Variants in SMIM35 observed in about 807,000 individuals in gnomAD.
The protein encoded by SMIM35 is small integral membrane protein 35, also known as TMPRSS4 antisense RNA 1 (non-protein coding).
At chr11:118,041,751 G>A (rs1040000312) in intron 1 of SMIM35, among the ~76,000 whole-genome samples, 3 of 152,018 alleles carry the variant, frequency 2.0e-5, no homozygotes, top group Non-Finnish European at 2.9e-5. Context: ...CTTCTAAGAC[G>A]CTAGAGAAAG....
At chr11:118,030,656 A>G (rs936442753) in intron 1 of SMIM35, among the ~76,000 whole-genome samples, 2 of 151,798 alleles carry the variant, frequency 1.3e-5, no homozygotes, top group Non-Finnish European at 2.9e-5. Context: ...CTGGGGGAGG[A>G]GGGTATCCAT....
At chr11:118,033,220 G>T (rs1012270242) in intron 1 of SMIM35, among the ~76,000 whole-genome samples, 3 of 152,170 alleles carry the variant, frequency 2.0e-5, no homozygotes, top group Admixed American at 6.5e-5. Flanking sequence ...GATTAACAAG[G>T]ATTCTAGAAC....
At chr11:118,044,349 G>A (rs147596529) in intron 1 of SMIM35, among the ~76,000 whole-genome samples, 5 of 148,724 alleles carry the variant, frequency 3.4e-5, no homozygotes, top group African/African-American at 7.4e-5. Context: ...CCGTGAGTAC[G>A]TGCCAAGCAG....
chr11:118,025,129 A>C (rs963967168), intron 1 of SMIM35, among the ~76,000 whole-genome samples: 1 of 152,170 alleles, frequency 6.6e-6, no homozygotes, highest in Non-Finnish European at 1.5e-5. Context: ...GTAGTATTTC[A>C]TGGTGTATAT....
intron 1 of SMIM35, among the ~76,000 whole-genome samples, chr11:118,045,330 G>GCACACACACACACA (rs34102097): frequency 0.02 from 2,869 of 146,076 alleles, 54 homozygotes; most frequent in Middle Eastern, 0.042. Flanking sequence ...ATACACACAT[G>GCACACACACACACA]CACACACACA....
At chr11:118,068,725 C>G (rs1332601655) in intron 1 of SMIM35, among the ~76,000 whole-genome samples, 1 of 152,198 alleles carries the variant, frequency 6.6e-6, no homozygotes, top group Non-Finnish European at 1.5e-5. Flanking sequence ...TTTCAGGCTG[C>G]AGATGAAATC....
intron 1 of SMIM35, among the ~76,000 whole-genome samples, chr11:118,026,779 G>A (rs1210269649): frequency 6.6e-6 from 1 of 152,100 alleles, no homozygotes; most frequent in Non-Finnish European, 1.5e-5. Flanking sequence ...ACCAGCCTGA[G>A]CAACACAGTG....
At chr11:118,064,899 G>A (rs1404957700) in intron 1 of SMIM35, among the ~76,000 whole-genome samples, 2 of 152,148 alleles carry the variant, frequency 1.3e-5, no homozygotes, top group East Asian at 3.9e-4. Context: ...CCCGCCTGGC[G>A]GAATTGTGCT....
intron 1 of SMIM35, among the ~76,000 whole-genome samples, chr11:118,060,888 T>C (rs1388105159): frequency 6.6e-6 from 1 of 152,188 alleles, no homozygotes; most frequent in African/African-American, 2.4e-5. Flanking sequence ...TGGCCCCCTT[T>C]TAATTTTCCT....
chr11:118,030,436 C>T (rs1447316191), intron 1 of SMIM35, among the ~76,000 whole-genome samples: 2 of 151,874 alleles, frequency 1.3e-5, no homozygotes, highest in Non-Finnish European at 2.9e-5. Flanking sequence ...AAAGTGAAAA[C>T]CAAAAATATT....
At chr11:118,015,231 G>C (rs1016630249) in intron 2 of SMIM35, among the ~76,000 whole-genome samples, 1 of 152,200 alleles carries the variant, frequency 6.6e-6, no homozygotes, top group Non-Finnish European at 1.5e-5. Context: ...CCAGTGAAAA[G>C]TGCAGCTATG....
chr11:118,013,033 G>A (rs59899035), intron 4 of SMIM35, among the ~76,000 whole-genome samples: 5,591 of 152,218 alleles, frequency 0.037, 248 homozygotes, highest in African/African-American at 0.11. Flanking sequence ...TTCCTCCTGA[G>A]GAATGGTGGC....
intron 1 of SMIM35, among the ~76,000 whole-genome samples, chr11:118,024,015 C>CAAAAAAAA (rs34791559): frequency 2.2e-5 from 3 of 134,368 alleles, no homozygotes; most frequent in Admixed American, 7.5e-5. Context: ...ATGCCTTCTC[C>CAAAAAAAA]AAAAAAAAAA....
chr11:118,070,013 A>G (rs1944545988), intron 1 of SMIM35, among the ~76,000 whole-genome samples: 1 of 152,142 alleles, frequency 6.6e-6, no homozygotes, highest in African/African-American at 2.4e-5. Context: ...GTGAGTCGAG[A>G]TCATGCCATT....
intron 3 of SMIM35, 46 bp from the exon 4 acceptor site, chr11:118,013,926 C>G (rs1591274213): frequency 2.5e-6 from 1 of 398,878 alleles, no homozygotes; most frequent in Non-Finnish European, 4.4e-6. Flanking sequence ...ATAACCTAGC[C>G]TCTCCCTGGG....
At chr11:118,020,568 T>C (rs1483365560) in intron 1 of SMIM35, among the ~76,000 whole-genome samples, 1 of 152,218 alleles carries the variant, frequency 6.6e-6, no homozygotes, top group Non-Finnish European at 1.5e-5. Flanking sequence ...GTCATATGTT[T>C]TATAATTTGT....
At chr11:118,069,203 A>G (rs758572299) in intron 1 of SMIM35, among the ~76,000 whole-genome samples, 2 of 152,226 alleles carry the variant, frequency 1.3e-5, no homozygotes, top group Non-Finnish European at 2.9e-5. Flanking sequence ...CAGTTCCCTC[A>G]TCTGTAAGAT....
intron 1 of SMIM35, among the ~76,000 whole-genome samples, chr11:118,054,049 A>G (rs935918139): frequency 6.6e-6 from 1 of 151,830 alleles, no homozygotes; most frequent in African/African-American, 2.4e-5. Flanking sequence ...ACAATTCCCT[A>G]TGCTAGGTAT....
chr11:118,083,460 G>A (rs746008184), intron 1 of SMIM35, among the ~76,000 whole-genome samples: 15 of 152,096 alleles, frequency 9.9e-5, no homozygotes, highest in African/African-American at 1.4e-4. Context: ...GCCAAGCCCC[G>A]GGGCCCATGA....
Sources: gnomAD v4.1 joint callset for allele counts (sites outside exome capture counted in the v4.1 genomes callset) on GRCh38, gnomAD v4.1.1 for gene constraint, MANE v1.5 for transcripts, NCBI Gene and HGNC (gene_info 2026-07-23, HGNC 2026-07-21) for gene names.